Variants in SPHKAP observed in about 807,000 individuals in gnomAD.
SPHKAP encodes the protein A-kinase anchor protein SPHKAP.
SPHKAP carries 67 observed loss-of-function variants against 137.5 expected under a neutral mutation model. The ratio of observed to expected loss-of-function variants is 0.49; its 90% CI spans 0.40 to 0.60. SPHKAP has a LOEUF of 0.60. Ranked by LOEUF, SPHKAP falls within the 20% of genes least tolerant of loss-of-function variation. The pLI is 0.00. For synonymous variants in SPHKAP, 813 were observed against 785.3 expected (o/e 1.04, Z -0.59); for missense variants, 2,097 against 2,069.3 (o/e 1.01, Z -0.26).
chr2:228,072,249 A>C (rs1038557438), intron 3 of SPHKAP, among the ~76,000 whole-genome samples: 2 of 152,214 alleles, frequency 1.3e-5, no homozygotes, highest in African/African-American at 4.8e-5. Context: ...CAGCCTGCAG[A>C]TCATGAAACT....
At chr2:228,016,104 A>G (rs1694576460) in intron 7 of SPHKAP, among the ~76,000 whole-genome samples, 1 of 152,132 alleles carries the variant, frequency 6.6e-6, no homozygotes, top group African/African-American at 2.4e-5. Flanking sequence ...AGTTTTGGAG[A>G]TTTTAAGAAG....
rs1265672901 is a variant in SPHKAP, at chr2:228,181,051, A to T, written c.32+516T>A. On this transcript the variant is annotated intron_variant, in intron 1 of 11. Transcript: ENST00000392056. This position sits in a 1 kb window ranked among gnomAD's most constrained non-coding sequence, Gnocchi z 4.3. Reference sequence around the variant, plus strand: ...TAGGTGTTTTCTGCCCTGTCTTAAGATCTCGCTTTGGGGGCAGTCTAGGTG... The same window carrying T: ...TAGGTGTTTTCTGCCCTGTCTTAAGTTCTCGCTTTGGGGGCAGTCTAGGTG... 2.0e-5 allele frequency among the ~76,000 whole-genome samples: 3 copies of T among 151,518 alleles called. No individual in the cohort carries two copies. Among genetic ancestry groups the T allele is most frequent in the African/African-American group, 4.8e-5 (2 of 41,242 alleles).
rs1695091305 is a variant in SPHKAP, at chr2:228,027,534, C to T, written c.256G>A (p.Val86Met). 8 of 1,613,896 alleles carry T rather than the reference C, an allele frequency of 5.0e-6. No individual in the cohort carries two copies. The highest frequency in any genetic ancestry group is 1.3e-5 in the African/African-American group (1 of 75,016). ...TCATCCTTGTTCACATCAAGATTCA[C>T]AAAGCAGACCTGGGAAAAGAGGGCA... is the stretch of plus-strand genomic sequence containing the variant. ...KSENCASVCF[V>M]NLDVNKDECS... Residue 86 changes from valine to methionine, a missense_variant, in exon 4 of 12, where the codon GTG (valine) becomes ATG (methionine). Physicochemically the swap from Val to Met is conservative, Grantham distance 21. Coordinates refer to ENST00000392056, the MANE Select transcript of SPHKAP (RefSeq NM_001142644.2).
intron 1 of SPHKAP, chr2:228,172,854 T>C (rs1279370654): frequency 5.9e-6 from 1 of 169,686 alleles, no homozygotes; most frequent in African/African-American, 2.4e-5. Flanking sequence ...CATGAGATCT[T>C]TAACACTTAC....
At chr2:228,063,934 C>T (rs1696744333) in intron 3 of SPHKAP, among the ~76,000 whole-genome samples, 1 of 152,072 alleles carries the variant, frequency 6.6e-6, no homozygotes, top group Non-Finnish European at 1.5e-5. Flanking sequence ...ATTAGTTACC[C>T]AAATGAAACT....
chr2:228,053,985 A>G (rs1306946144), intron 3 of SPHKAP, among the ~76,000 whole-genome samples: 3 of 152,172 alleles, frequency 2.0e-5, no homozygotes, highest in African/African-American at 7.2e-5. Context: ...ATTTCTTTCC[A>G]TCAAAGACAA....
intron 3 of SPHKAP, among the ~76,000 whole-genome samples, chr2:228,069,410 C>T (rs1450725910): frequency 6.6e-6 from 1 of 151,184 alleles, no homozygotes; most frequent in Admixed American, 6.6e-5. Flanking sequence ...TTGACATTTA[C>T]TAAATTTCTT....
chr2:228,167,086 C>T (rs747392294), intron 1 of SPHKAP, among the ~76,000 whole-genome samples: 6 of 152,158 alleles, frequency 3.9e-5, no homozygotes, highest in Admixed American at 2.6e-4. Flanking sequence ...AATCACTTCC[C>T]ACCAGGCCTC....
chr2:228,118,790 C>T, intron 2 of SPHKAP, among the ~76,000 whole-genome samples: 1 of 152,080 alleles, frequency 6.6e-6, no homozygotes, highest in Non-Finnish European at 1.5e-5. Flanking sequence ...TTCGTTCTTT[C>T]ATTCGACTAC....
intron 7 of SPHKAP, among the ~76,000 whole-genome samples, chr2:228,007,101 T>C (rs916327893): frequency 6.6e-6 from 1 of 152,226 alleles, no homozygotes; most frequent in African/African-American, 2.4e-5. Context: ...GTCTTCTGCA[T>C]CGCTCACGCT....
intron 3 of SPHKAP, among the ~76,000 whole-genome samples, chr2:228,093,367 AAGT>A (rs1308264055): frequency 6.6e-6 from 1 of 152,232 alleles, no homozygotes; most frequent in African/African-American, 2.4e-5. Flanking sequence ...AACAGTCAAA[AAGT>A]AGAAACAATG....
chr2:228,159,092 T>C (rs915723932), intron 1 of SPHKAP, among the ~76,000 whole-genome samples: 4 of 152,082 alleles, frequency 2.6e-5, no homozygotes, highest in Non-Finnish European at 5.9e-5. Context: ...GACTGTAGGG[T>C]CCATCCTCTC....
rs13389645 is a variant in SPHKAP, at chr2:228,029,805, T to C, written c.247-2262A>G. Among the ~76,000 whole-genome samples, 679 of 152,312 alleles carry C rather than the reference T, an allele frequency of 4.5e-3. 10 individuals carry two copies. The highest frequency in any genetic ancestry group is 0.015 in the African/African-American group (623 of 41,566). The stretch of plus-strand genomic sequence containing the variant: ...ACTTTTAATAACATGCAGCTGGCAC[T>C]GGTGGTATTGAATTGATGAGAAGAT... On this transcript the variant is annotated intron_variant, in intron 3 of 11. Coordinates refer to ENST00000392056, the MANE Select transcript of SPHKAP (RefSeq NM_001142644.2).
chr2:228,141,892 A>G (rs1699617664), intron 1 of SPHKAP, among the ~76,000 whole-genome samples: 1 of 152,226 alleles, frequency 6.6e-6, no homozygotes, highest in African/African-American at 2.4e-5. Context: ...TGGTTACATT[A>G]AAAATATATA....
At chr2:228,154,990 G>C (rs1053027590) in intron 1 of SPHKAP, among the ~76,000 whole-genome samples, 1 of 152,008 alleles carries the variant, frequency 6.6e-6, no homozygotes, top group Non-Finnish European at 1.5e-5. Flanking sequence ...TAATTACAAT[G>C]CATTTCCCAG....
rs1432813776 is a variant in SPHKAP at position 228,118,239 on chromosome 2, AGTTTTTTT to A, written c.139-9308_139-9301del. Among the ~76,000 whole-genome samples the A allele has an allele frequency of 2.2e-3, 225 of 104,118 alleles. 1 individual carries two copies. The highest frequency in any genetic ancestry group is 6.9e-3 in the African/African-American group (210 of 30,548). 68.3% of individuals were successfully genotyped at this position (104,118 alleles called of 152,430 possible). The stretch of plus-strand genomic sequence containing the variant: ...AGCATTCCATTCTGTGGAGATACAC[AGTTTTTTT>A]TTTTTTTTTTTTTTTTAAGCCATTC... On this transcript the variant is annotated intron_variant, in intron 2 of 11. Transcript: ENST00000392056.
chr2:228,033,088 T>C (rs983716812), intron 3 of SPHKAP, among the ~76,000 whole-genome samples: 1 of 152,112 alleles, frequency 6.6e-6, no homozygotes, highest in African/African-American at 2.4e-5. Flanking sequence ...ACTGGCAAAT[T>C]GGATAAAGAG....
At chr2:228,027,067 C>T (rs1695070530) in intron 4 of SPHKAP, among the ~76,000 whole-genome samples, 1 of 152,160 alleles carries the variant, frequency 6.6e-6, no homozygotes, top group Non-Finnish European at 1.5e-5. Flanking sequence ...CTTGGATGCA[C>T]TTGGAGAATT....
Position 228,017,104 on chromosome 2 carries a change from T to G in SPHKAP, c.3750A>C (p.Thr1250=), listed in dbSNP as rs959576397. The change falls in exon 7 of 12, where the codon ACA becomes ACC. Residue 1250 remains threonine (T), a synonymous_variant. Coordinates refer to ENST00000392056, the MANE Select transcript of SPHKAP (RefSeq NM_001142644.2). ...AGTTGGCTTTGATGGGCACATTCAC[T>G]GTCAGCCTGGAGCATGGGGATCTGC... ...PDSRSPCSRL[T]VNVPIKANSL... 1 of 1,614,112 alleles carries G rather than the reference T, an allele frequency of 6.2e-7. No individual in the cohort carries two copies. The highest frequency in any genetic ancestry group is 1.7e-5 in the Admixed American group (1 of 60,016).
Sources: allele counts gnomAD v4.1 joint callset (sites outside exome capture counted in the v4.1 genomes callset), GRCh38; gene constraint gnomAD v4.1.1; non-coding constraint Gnocchi (gnomAD v3.1); transcripts MANE v1.5; gene names NCBI Gene and HGNC (gene_info 2026-07-23, HGNC 2026-07-21).